GGTA1: variants seen among roughly 807,000 people sequenced by gnomAD.
GGTA1 encodes inactive N-acetyllactosaminide alpha-1,3-galactosyltransferase.
A neutral mutation model predicts 2.6 loss-of-function variants in GGTA1; 5 were observed. The observed-to-expected ratio is 1.92, with a 90% CI of 1.00 to 4.04. The LOEUF (loss-of-function observed/expected upper bound fraction) is 4.04, where lower values mean the gene tolerates loss of function less well. Ranked by LOEUF, GGTA1 falls within the 30% of genes most tolerant of loss-of-function variation. The probability of loss-of-function intolerance (pLI) is 0.00; values close to 1 mark genes in which losing one functional copy is unlikely to be tolerated. For synonymous variants in GGTA1, 17 were observed against 5.0 expected (o/e 3.38, Z -3.19); for missense variants, 50 against 16.7 (o/e 2.99, Z -3.47).
chr9:121,467,614 T>C (rs1280313883), intron 2 of GGTA1, among the ~76,000 whole-genome samples: 1 of 152,190 alleles, frequency 6.6e-6, no homozygotes, highest in Non-Finnish European at 1.5e-5. Flanking sequence ...AAAATTATGA[T>C]ATTAGGAACA....
At chr9:121,459,984 A>G (rs2064946251) in intron 5 of GGTA1, 120 bp downstream of exon 5, 1 of 389,226 alleles carries the variant, frequency 2.6e-6, no homozygotes, top group African/African-American at 2.1e-5. Context: ...AAGGTCTAAT[A>G]TGCTAAGGCT....
chr9:121,490,486 A>C (rs1828851582), intron 1 of GGTA1, among the ~76,000 whole-genome samples: 1 of 152,194 alleles, frequency 6.6e-6, no homozygotes, highest in African/African-American at 2.4e-5. Context: ...TGGTGGCATC[A>C]GTGGTCTTGT....
downstream of GGTA1, among the ~76,000 whole-genome samples, chr9:121,450,848 A>T (rs2064874722): frequency 6.6e-6 from 1 of 152,238 alleles, no homozygotes; most frequent in African/African-American, 2.4e-5. Flanking sequence ...CAGTGACATT[A>T]GAACTTGATT....
intron 1 of GGTA1, among the ~76,000 whole-genome samples, chr9:121,481,135 A>G (rs1010951626): frequency 1.3e-4 from 19 of 142,294 alleles, no homozygotes; most frequent in African/African-American, 3.5e-4. Context: ...CCTGGGCGAC[A>G]GAGCAAGACA....
chr9:121,450,736 C>T (rs746780275), downstream of GGTA1, among the ~76,000 whole-genome samples: 27 of 152,106 alleles, frequency 1.8e-4, no homozygotes, highest in Non-Finnish European at 3.2e-4. Flanking sequence ...TTAGGTGGCT[C>T]CCAACCTATA....
At chr9:121,449,153 TC>T (rs1246230860) in intron 7 of GGTA1, among the ~76,000 whole-genome samples, 1 of 152,246 alleles carries the variant, frequency 6.6e-6, no homozygotes, top group African/African-American at 2.4e-5. Context: ...GGAATAATAG[TC>T]CATTGTCTGA....
chr9:121,457,815 T>C (rs2118762608), intron 5 of GGTA1, among the ~76,000 whole-genome samples: 1 of 151,606 alleles, frequency 6.6e-6, no homozygotes, highest in Non-Finnish European at 1.5e-5. Context: ...CGGGAGACGG[T>C]CACAAATGAG....
At chr9:121,493,910 C>T (rs1828930846) in intron 1 of GGTA1, among the ~76,000 whole-genome samples, 1 of 152,058 alleles carries the variant, frequency 6.6e-6, no homozygotes. Flanking sequence ...GCACGCACAA[C>T]CACGCCCAGC....
At chr9:121,470,890 T>C (rs1828373709) in intron 1 of GGTA1, among the ~76,000 whole-genome samples, 1 of 152,252 alleles carries the variant, frequency 6.6e-6, no homozygotes, top group Admixed American at 6.5e-5. Context: ...TAATAAAACT[T>C]CAGTCTCCCG....
intron 2 of GGTA1, among the ~76,000 whole-genome samples, chr9:121,463,572 T>C (rs928956818): frequency 2.0e-5 from 3 of 152,240 alleles, no homozygotes; most frequent in Non-Finnish European, 4.4e-5. Context: ...GTGTGTATTG[T>C]AGAGACGGGG....
intron 1 of GGTA1, among the ~76,000 whole-genome samples, chr9:121,478,769 T>G (rs1221600031): frequency 3.3e-5 from 5 of 152,210 alleles, no homozygotes; most frequent in South Asian, 4.1e-4. Flanking sequence ...TATCTTACAG[T>G]GCTTTCTCTC....
chr9:121,479,739 A>G (rs1828597522), intron 1 of GGTA1, among the ~76,000 whole-genome samples: 1 of 152,194 alleles, frequency 6.6e-6, no homozygotes, highest in African/African-American at 2.4e-5. Context: ...AGGAGTGGAC[A>G]AAGGGCTATC....
chr9:121,483,669 T>C (rs934430595), intron 1 of GGTA1, among the ~76,000 whole-genome samples: 4 of 152,146 alleles, frequency 2.6e-5, no homozygotes, highest in Admixed American at 6.5e-5. Context: ...CAGCCAGCAT[T>C]CAGTATCTGT....
chr9:121,473,471 T>A (rs1250781690), intron 1 of GGTA1, among the ~76,000 whole-genome samples: 4 of 152,060 alleles, frequency 2.6e-5, no homozygotes, highest in Non-Finnish European at 4.4e-5. Context: ...GGGTGGCCAA[T>A]GGGTCTTTTA....
intron 7 of GGTA1, among the ~76,000 whole-genome samples, chr9:121,449,365 A>G (rs1014887183): frequency 5.3e-5 from 8 of 152,186 alleles, no homozygotes; most frequent in East Asian, 1.9e-4. Flanking sequence ...TTTGTAAGAA[A>G]CTGCCAAATT....
chr9:121,450,816 A>G (rs78985042), downstream of GGTA1, among the ~76,000 whole-genome samples: 3,613 of 152,302 alleles, frequency 0.024, 82 homozygotes, highest in Non-Finnish European at 0.032. Context: ...GAGACCACAT[A>G]GGTCCCTAGG....
chr9:121,448,916 T>TA (rs1207176140), intron 7 of GGTA1, among the ~76,000 whole-genome samples: 2 of 152,260 alleles, frequency 1.3e-5, no homozygotes, highest in African/African-American at 4.8e-5. Flanking sequence ...TCCACCATTA[T>TA]AGTATCATAC....
chr9:121,498,588 C>CT (rs992378706), intron 1 of GGTA1, among the ~76,000 whole-genome samples: 2 of 152,204 alleles, frequency 1.3e-5, no homozygotes, highest in Admixed American at 1.3e-4. Flanking sequence ...AAGGTGGTTC[C>CT]TTACTGGCAG....
chr9:121,480,043 C>CTTTT (rs1181432233), intron 1 of GGTA1, among the ~76,000 whole-genome samples: 1 of 132,138 alleles, frequency 7.6e-6, no homozygotes, highest in Non-Finnish European at 1.7e-5. Context: ...TTCTTTCTTT[C>CTTTT]TTTTTTTCTT....
Sources: gnomAD v4.1 joint callset for allele counts (sites outside exome capture counted in the v4.1 genomes callset) on GRCh38, gnomAD v4.1.1 for gene constraint, MANE v1.5 for transcripts, NCBI Gene and HGNC (gene_info 2026-07-23, HGNC 2026-07-21) for gene names.